Variants in CLEC12A observed in about 807,000 individuals in gnomAD.
CLEC12A encodes the protein C-type lectin protein CLL-1.
Under a neutral mutation model 26.5 loss-of-function variants are expected in CLEC12A, and 22 were observed. The ratio of observed to expected loss-of-function variants is 0.83; its 90% CI spans 0.59 to 1.19. CLEC12A has a LOEUF of 1.19. Among genes scored for constraint, CLEC12A ranks in the 50% most tolerant of loss-of-function variants. The probability of loss-of-function intolerance (pLI) is 0.00; values close to 1 mark genes in which losing one functional copy is unlikely to be tolerated. For synonymous variants in CLEC12A, 119 were observed against 101.9 expected, an observed-to-expected ratio of 1.17 and a Z score of -1.01; for missense variants, 353 against 315.6, an observed-to-expected ratio of 1.12 and a Z score of -0.90.
At chr12:9,972,457 C>T (rs1021329792) in intron 1 of CLEC12A, among the ~76,000 whole-genome samples, 2 of 152,078 alleles carry the variant, frequency 1.3e-5, no homozygotes, top group East Asian at 1.9e-4. Context: ...CCTTCTGGCT[C>T]CTAGCCTTTT....
In CLEC12A at chr12:9,971,517, C is replaced by T. The variant is rs1039422790; in HGVS notation, c.-80C>T. On this transcript the variant is annotated 5_prime_UTR_variant, in exon 1 of 6. Coordinates refer to ENST00000304361, the MANE Select transcript of CLEC12A (RefSeq NM_138337.6). ...AAACAGAAGTTTAAAATTATAGGTCCTGTTTAACATTCAGCTCTGTTAACT... is the reference window on the plus strand; with the variant it reads ...AAACAGAAGTTTAAAATTATAGGTCTTGTTTAACATTCAGCTCTGTTAACT... 1.4e-5 allele frequency: 22 copies of T among 1,519,498 alleles called. No homozygotes were observed. The Admixed American group carries it at 5.0e-4, about 34-fold the overall frequency. 94.1% of individuals were successfully genotyped at this position (1,519,498 alleles called of 1,614,324 possible).
At chr12:9,962,442 C>T (rs1415894890) in intron 1 of CLEC12A, among the ~76,000 whole-genome samples, 2 of 152,078 alleles carry the variant, frequency 1.3e-5, no homozygotes, top group Admixed American at 1.3e-4. Flanking sequence ...AACTTTCACT[C>T]ACATCCGTGT....
At chr12:9,969,168 G>A (rs777030950), upstream of CLEC12A, among the ~76,000 whole-genome samples, 1 of 152,104 alleles carries the variant, frequency 6.6e-6, no homozygotes, top group African/African-American at 2.4e-5. Flanking sequence ...ACAAATTCTA[G>A]TATTTGATAG....
At chr12:9,997,278 A>G, downstream of CLEC12A, 1 of 1,608,578 alleles carries the variant, frequency 6.2e-7, no homozygotes, top group Non-Finnish European at 8.5e-7. Context: ...GCTGCATGAC[A>G]GCTAGGTTTA....
At chr12:9,959,304 TA>T (rs1308251568) in intron 1 of CLEC12A, among the ~76,000 whole-genome samples, 1 of 151,956 alleles carries the variant, frequency 6.6e-6, no homozygotes, top group East Asian at 1.9e-4. Context: ...TACAAAAAAT[TA>T]GCTGGGCGTG....
At chr12:9,951,789 G>A (rs1863615140) in intron 1 of CLEC12A, 2 of 201,828 alleles carry the variant, frequency 9.9e-6, no homozygotes, top group Non-Finnish European at 1.0e-5. Context: ...TATTCTTCAG[G>A]GTTGGTCTGC....
chr12:9,997,616 G>T (rs1174712521), downstream of CLEC12A, among the ~76,000 whole-genome samples: 2 of 152,112 alleles, frequency 1.3e-5, no homozygotes, highest in East Asian at 1.9e-4. Context: ...CTTATTTTCT[G>T]TTCTTTCTGT....
At chr12:9,994,779 G>C (rs1332132729) in intron 4 of CLEC12A, among the ~76,000 whole-genome samples, 1 of 151,978 alleles carries the variant, frequency 6.6e-6, no homozygotes, top group Non-Finnish European at 1.5e-5. Context: ...TTAAAAATAT[G>C]TGAAGATAAT....
chr12:9,996,802 T>A, downstream of CLEC12A: 1 of 1,607,074 alleles, frequency 6.2e-7, no homozygotes, highest in Non-Finnish European at 8.5e-7. Flanking sequence ...ATTTGAGGTT[T>A]CTCTTCCTTG....
intron 1 of CLEC12A, among the ~76,000 whole-genome samples, chr12:9,958,392 G>C (rs867295363): frequency 6.6e-5 from 10 of 152,306 alleles, no homozygotes; most frequent in Middle Eastern, 6.8e-3. Flanking sequence ...TTTACTCTGA[G>C]AAGGAGAATT....
intron 1 of CLEC12A, among the ~76,000 whole-genome samples, chr12:9,954,929 T>C (rs1863718176): frequency 6.6e-6 from 1 of 152,188 alleles, no homozygotes; most frequent in African/African-American, 2.4e-5. Flanking sequence ...TTTAAAGGTG[T>C]CAGGGTTTGA....
downstream of CLEC12A, among the ~76,000 whole-genome samples, chr12:9,988,523 A>C (rs1864821779): frequency 6.6e-6 from 1 of 152,204 alleles, no homozygotes; most frequent in African/African-American, 2.4e-5. Context: ...TACAAGAAAA[A>C]ACAAACAACC....
upstream of CLEC12A, among the ~76,000 whole-genome samples, chr12:9,966,838 A>G (rs71441774): frequency 0.11 from 7,060 of 62,090 alleles, 870 homozygotes; most frequent in East Asian, 0.19. Context: ...ACCTTTTAGG[A>G]TCTAGGGCTG....
At chr12:9,989,339 T>C (rs1437289934), downstream of CLEC12A, among the ~76,000 whole-genome samples, 1 of 142,896 alleles carries the variant, frequency 7.0e-6, no homozygotes, top group Non-Finnish European at 1.5e-5. Context: ...GTTGTGCACA[T>C]GTACCCTAAA....
chr12:9,983,276 T>A lies in CLEC12A; in HGVS notation c.641+1147T>A, dbSNP rs895500823. On this transcript the variant is annotated intron_variant, in intron 5 of 5. Transcript: ENST00000304361. ...CCATTCTGAAATGGGCATTTTTGAATGAAAAATTTAAAGACTGGTTTAGAA... is the reference window on the plus strand; with the variant it reads ...CCATTCTGAAATGGGCATTTTTGAAAGAAAAATTTAAAGACTGGTTTAGAA... Among the ~76,000 whole-genome samples, 4 of 152,114 alleles carry A rather than the reference T, an allele frequency of 2.6e-5. No homozygotes were observed. In the South Asian group the frequency reaches 8.3e-4, roughly 31 times the overall value.
chr12:9,962,089 C>T (rs1013021076), intron 1 of CLEC12A, among the ~76,000 whole-genome samples: 3 of 152,146 alleles, frequency 2.0e-5, no homozygotes, highest in African/African-American at 4.8e-5. Context: ...TAATTGCTAC[C>T]AGCAATGTTC....
At chr12:9,983,120 G>A (rs1181729623) in intron 5 of CLEC12A, among the ~76,000 whole-genome samples, 2 of 152,118 alleles carry the variant, frequency 1.3e-5, no homozygotes, top group African/African-American at 4.8e-5. Flanking sequence ...AAACATTTAA[G>A]TGTAGGTGTC....
At chr12:9,984,437 T>C (rs149078588) in intron 5 of CLEC12A, among the ~76,000 whole-genome samples, 2 of 152,298 alleles carry the variant, frequency 1.3e-5, no homozygotes, top group African/African-American at 4.8e-5. Context: ...AGAGATGATG[T>C]TGAACTTCAG....
Position 9,984,908 on chromosome 12 carries a change from G to T in CLEC12A, c.680G>T (p.Cys227Phe). 6.4e-7 allele frequency: 1 copy of T among 1,574,708 alleles called. No homozygotes were observed. The highest frequency in any genetic ancestry group is 1.4e-5 in the African/African-American group (1 of 73,580). The change falls in exon 6 of 6, where the codon TGT becomes TTT. Residue 227 changes from cysteine (C) to phenylalanine (F), a missense_variant. Cys to Phe is a radical substitution (Grantham distance 205). Transcript: ENST00000304361. Reference sequence around the variant, plus strand: ...GCACCTGACTTAAATAACATGTATTGTGGATATATAAATAGACTATATGTT... The same window carrying T: ...GCACCTGACTTAAATAACATGTATTTTGGATATATAAATAGACTATATGTT... ...RNAPDLNNMY[C>F]GYINRLYVQY...
Sources: allele counts gnomAD v4.1 joint callset (sites outside exome capture counted in the v4.1 genomes callset), GRCh38; gene constraint gnomAD v4.1.1; transcripts MANE v1.5; gene names NCBI Gene and HGNC (gene_info 2026-07-23, HGNC 2026-07-21).